CFAP92: variants seen among roughly 807,000 people sequenced by gnomAD.
The protein encoded by CFAP92 is uncharacterized protein CFAP92.
CFAP92 carries 86 observed loss-of-function variants against 106.3 expected under a neutral mutation model. The observed-to-expected ratio is 0.81, with a 90% CI of 0.68 to 0.97. CFAP92 has a LOEUF of 0.97. Among genes scored for constraint, CFAP92 ranks in the 50% least tolerant of loss-of-function variants. The pLI, the probability that CFAP92 is intolerant of heterozygous loss-of-function variation, is 0.00. For missense variants in CFAP92, 1,204 were observed against 1,283.8 expected (o/e 0.94, Z 0.95); for synonymous variants, 477 against 506.4 (o/e 0.94, Z 0.78).
intron 10 of CFAP92, among the ~76,000 whole-genome samples, chr3:128,936,614 A>G (rs1939048418): frequency 6.6e-6 from 1 of 152,164 alleles, no homozygotes; most frequent in Non-Finnish European, 1.5e-5. Flanking sequence ...GTCTTATCTT[A>G]TAGCTACTGA....
upstream of CFAP92, among the ~76,000 whole-genome samples, chr3:128,998,283 A>G (rs1157340182): frequency 6.6e-6 from 1 of 152,124 alleles, no homozygotes; most frequent in East Asian, 1.9e-4. Context: ...TGAAGTGCAA[A>G]TGTTTTGAAC....
chr3:129,019,535 T>C, the CFAP92 span, among the ~76,000 whole-genome samples: 1 of 152,194 alleles, frequency 6.6e-6, no homozygotes, highest in Non-Finnish European at 1.5e-5. Flanking sequence ...ATTCATATAA[T>C]TGTAGTACAA....
chr3:129,005,305 G>A (rs914631216), upstream of CFAP92, among the ~76,000 whole-genome samples: 1 of 152,222 alleles, frequency 6.6e-6, no homozygotes. Context: ...CGGGCCAGAT[G>A]GAGAGAGGAG....
intron 2 of CFAP92, 70 bp downstream of exon 2, chr3:128,992,973 C>A (rs1390534371): frequency 6.3e-7 from 1 of 1,576,374 alleles, no homozygotes; most frequent in South Asian, 1.1e-5. Context: ...GTGTATGCGC[C>A]CTAAACTCCT....
At chr3:128,925,061 G>A (rs1019393810) in intron 12 of CFAP92, among the ~76,000 whole-genome samples, 1 of 152,206 alleles carries the variant, frequency 6.6e-6, no homozygotes, top group African/African-American at 2.4e-5. Flanking sequence ...GCCTGGTGTT[G>A]GGTCTGATCA....
chr3:128,916,043 G>C (rs968788486), intron 13 of CFAP92, 64 bp downstream of exon 13: 64 of 1,149,838 alleles, frequency 5.6e-5, no homozygotes, highest in Middle Eastern at 3.3e-4. Flanking sequence ...CTCCAGGCAG[G>C]CATGGTCAGA....
chr3:128,993,222 G>A lies in CFAP92; in HGVS notation c.83C>T (p.Thr28Met), dbSNP rs1944330046. Residue 28 changes from threonine (T) to methionine (M), a missense_variant, in exon 2 of 16, where the codon ACG (threonine) becomes ATG (methionine). Coordinates refer to ENST00000645291, the MANE Select transcript of CFAP92 (RefSeq NM_001394090.1). ...ISSITSFYQS[T>M]SECDVEEHLK... ...GTGTTCCTCCACGTCACACTCGCTC[G>A]TGGACTGGTAAAAGCTAGTGATGGA... 2 of 1,613,938 alleles carry A rather than the reference G, an allele frequency of 1.2e-6. No individual in the cohort carries two copies. The highest frequency in any genetic ancestry group is 1.1e-5 in the South Asian group (1 of 91,090).
intron 12 of CFAP92, among the ~76,000 whole-genome samples, chr3:128,918,501 CTT>C (rs1427365574): frequency 6.6e-6 from 1 of 152,084 alleles, no homozygotes; most frequent in Non-Finnish European, 1.5e-5. Context: ...TCACAAAACT[CTT>C]TGGAGAAATT....
chr3:128,989,726 G>A (rs1355890896), intron 2 of CFAP92, among the ~76,000 whole-genome samples: 1 of 152,206 alleles, frequency 6.6e-6, no homozygotes, highest in South Asian at 2.1e-4. Flanking sequence ...TAAAGCTGTA[G>A]TTTTTAAAGT....
At chr3:128,928,181 A>G (rs1325412626) in intron 12 of CFAP92, among the ~76,000 whole-genome samples, 2 of 152,176 alleles carry the variant, frequency 1.3e-5, no homozygotes, top group African/African-American at 4.8e-5. Context: ...TGAACCTGGG[A>G]GGCCAAGCTT....
At chr3:129,025,098 A>C in the CFAP92 span, among the ~76,000 whole-genome samples, 1 of 152,148 alleles carries the variant, frequency 6.6e-6, no homozygotes. Flanking sequence ...GAGGTGCCAC[A>C]GTTAAGTTCG....
chr3:128,933,519 G>T (rs1245106019), intron 11 of CFAP92, among the ~76,000 whole-genome samples: 5 of 152,216 alleles, frequency 3.3e-5, no homozygotes, highest in Non-Finnish European at 7.3e-5. Flanking sequence ...CAGAAACCAT[G>T]CTCAGTCATG....
chr3:128,910,898 C>T, intron 15 of CFAP92: 1 of 1,478,568 alleles, frequency 6.8e-7, no homozygotes, highest in South Asian at 1.1e-5. Flanking sequence ...CCCTGTCAAG[C>T]TCCCAGAGCC....
At chr3:128,957,427 GAA>G (rs1209776531) in intron 9 of CFAP92, among the ~76,000 whole-genome samples, 1 of 152,116 alleles carries the variant, frequency 6.6e-6, no homozygotes, top group Non-Finnish European at 1.5e-5. Context: ...AAGAGATTGC[GAA>G]AAGTTATGTT....
intron 4 of CFAP92, among the ~76,000 whole-genome samples, chr3:128,984,978 TAAC>T (rs1323636833): frequency 6.6e-6 from 1 of 152,280 alleles, no homozygotes; most frequent in Non-Finnish European, 1.5e-5. Context: ...GGAAAAATGT[TAAC>T]AATGGCTATC....
chr3:128,993,768 G>A (rs770462326), intron 1 of CFAP92: 2 of 307,482 alleles, frequency 6.5e-6, no homozygotes, highest in Non-Finnish European at 1.1e-5. Context: ...CAGGAGCCTG[G>A]CGAGGTCGGG....
the CFAP92 span, among the ~76,000 whole-genome samples, chr3:129,012,126 G>A: frequency 2.0e-5 from 3 of 152,238 alleles, no homozygotes; most frequent in South Asian, 6.2e-4. Flanking sequence ...TGCCTCATCT[G>A]CTAACCTATG....
intron 12 of CFAP92, among the ~76,000 whole-genome samples, chr3:128,924,877 C>A (rs1241640063): frequency 1.3e-5 from 2 of 152,198 alleles, no homozygotes; most frequent in Admixed American, 1.3e-4. Context: ...TTCTTTCAAC[C>A]CCCACATCCT....
At chr3:129,024,063 C>T in the CFAP92 span, among the ~76,000 whole-genome samples, 1 of 152,230 alleles carries the variant, frequency 6.6e-6, no homozygotes, top group Non-Finnish European at 1.5e-5. Flanking sequence ...ATTTGACAAA[C>T]CTTCATTGGG....
Sources: gnomAD v4.1 joint callset for allele counts (sites outside exome capture counted in the v4.1 genomes callset) on GRCh38, gnomAD v4.1.1 for gene constraint, MANE v1.5 for transcripts, NCBI Gene and HGNC (gene_info 2026-07-23, HGNC 2026-07-21) for gene names.